The following CNBD2 variants were observed in gnomAD, a reference collection of about 807,000 sequenced individuals.
The protein encoded by CNBD2 is cyclic nucleotide-binding domain-containing protein 2.
CNBD2 carries 64 observed loss-of-function variants against 63.7 expected under a neutral mutation model. That is an observed-to-expected ratio of 1.00 (90% CI 0.82 to 1.24). The LOEUF (loss-of-function observed/expected upper bound fraction) is 1.24. Ranked by LOEUF, CNBD2 falls within the 50% of genes most tolerant of loss-of-function variation. The probability of loss-of-function intolerance (pLI) is 0.00; values close to 1 mark genes in which losing one functional copy is unlikely to be tolerated. For missense variants in CNBD2, 691 were observed against 713.5 expected (o/e 0.97, Z 0.36); for synonymous variants, 229 against 255.4 (o/e 0.90, Z 0.99).
At chr20:35,967,494 T>G (rs1201162419), upstream of CNBD2, among the ~76,000 whole-genome samples, 1 of 146,696 alleles carries the variant, frequency 6.8e-6, no homozygotes, top group Non-Finnish European at 1.5e-5. Flanking sequence ...GTTAATTGGA[T>G]GCTACAAATG....
chr20:35,996,502 C>CTTTT (rs1349894287), intron 8 of CNBD2, among the ~76,000 whole-genome samples: 3 of 146,568 alleles, frequency 2.0e-5, no homozygotes, highest in Non-Finnish European at 4.5e-5. Flanking sequence ...TAATAGCTCT[C>CTTTT]TTTTTGTTTT....
chr20:35,954,769 G>C, exon 1 of CNBD2: 1 of 492,754 alleles, frequency 2.0e-6, no homozygotes, highest in Non-Finnish European at 3.4e-6. Flanking sequence ...CTTTGCGTGC[G>C]GGCGCCCCTT....
upstream of CNBD2, among the ~76,000 whole-genome samples, chr20:35,967,575 A>G (rs1261282371): frequency 6.8e-6 from 1 of 148,004 alleles, no homozygotes; most frequent in East Asian, 2.0e-4. Flanking sequence ...GGCCCTGGCC[A>G]GGAGTGGTGG....
At chr20:35,965,532 T>A (rs1486895036), upstream of CNBD2, among the ~76,000 whole-genome samples, 1 of 152,188 alleles carries the variant, frequency 6.6e-6, no homozygotes, top group East Asian at 1.9e-4. Flanking sequence ...TTATACATTA[T>A]GAAAATGAGG....
rs1000090579 is a variant in CNBD2 at position 35,980,597 on chromosome 20, C to T, written c.382C>T (p.Leu128=). ...CTACGCAGAGCCCCTGCAGCTGCTC[C>T]TGGCCAAAGTCATGCGCTTTGAACG... The part of the protein sequence containing the change: ...RNYAEPLQLL[L]AKVMRFERFG... The change falls in exon 4 of 12, where the codon CTG becomes TTG. Residue 128 remains leucine, a synonymous_variant. Coordinates refer to ENST00000373973, the MANE Select transcript of CNBD2 (RefSeq NM_001365709.1). The T allele has an allele frequency of 6.2e-7, 1 of 1,613,764 alleles. No individual in the cohort carries two copies. The highest frequency in any genetic ancestry group is 8.5e-7 in the Non-Finnish European group (1 of 1,180,044).
At chr20:36,022,562 T>C (rs576950673) in intron 10 of CNBD2, among the ~76,000 whole-genome samples, 21 of 151,992 alleles carry the variant, frequency 1.4e-4, no homozygotes, top group Admixed American at 1.3e-4. Flanking sequence ...CTCAAACTCC[T>C]GACCTCAGGT....
In CNBD2 at chr20:36,030,394, A is replaced by G; in HGVS notation, c.1477A>G (p.Ser493Gly). ...DMCQKFLQQNSWNIFRKDLLQ... is the reference protein window; with the variant it reads ...DMCQKFLQQNGWNIFRKDLLQ... ...GTGCCAGAAGTTCCTCCAGCAGAAC[A>G]GCTGGAATATCTTTCGGAAGGACCT... Residue 493 changes from serine (S) to glycine (G), a missense_variant, in exon 12 of 12, where the codon AGC (serine) becomes GGC (glycine). Transcript: ENST00000373973. The G allele has an allele frequency of 6.2e-7, 1 of 1,614,134 alleles. No homozygotes were observed. The highest frequency in any genetic ancestry group is 8.5e-7 in the Non-Finnish European group (1 of 1,180,004).
chr20:35,971,803 A>G (rs1015632851), intron 1 of CNBD2, among the ~76,000 whole-genome samples: 2 of 152,208 alleles, frequency 1.3e-5, no homozygotes, highest in African/African-American at 4.8e-5. Context: ...TTATTAATCT[A>G]GAGCAGCCCC....
chr20:35,975,784 T>A (rs1483286118), intron 2 of CNBD2, among the ~76,000 whole-genome samples, 165 bp from the exon 3 acceptor site: 1 of 152,118 alleles, frequency 6.6e-6, no homozygotes, highest in Admixed American at 6.6e-5. Context: ...TAGTGCTGAG[T>A]TGGGGCCTTC....
At chr20:36,014,814 G>A (rs1169895764) in intron 10 of CNBD2, among the ~76,000 whole-genome samples, 4 of 150,158 alleles carry the variant, frequency 2.7e-5, no homozygotes, top group South Asian at 2.1e-4. Context: ...TTTATTTTTC[G>A]TTAGAGACAG....
rs554318138 is a variant in CNBD2, at chr20:35,961,945, G to A, written c.228+4171G>A. On this transcript the variant is annotated intron_variant, in intron 2 of 4. Transcript: ENST00000622112. The stretch of plus-strand genomic sequence containing the variant: ...GGGACCAGAGAGGCTCCCAGAGCCA[G>A]CCTGTCCATCACCATCCCAATGTTC... Among the ~76,000 whole-genome samples the A allele has an allele frequency of 9.2e-5, 14 of 152,296 alleles. No individual in the cohort carries two copies. In the East Asian group the frequency reaches 2.7e-3, roughly 29 times the overall value.
intron 4 of CNBD2, 123 bp from the exon 5 acceptor site, chr20:35,983,859 C>T: frequency 4.5e-6 from 5 of 1,099,112 alleles, no homozygotes; most frequent in Non-Finnish European, 6.7e-6. Flanking sequence ...TCCTGAGGGC[C>T]CTTCTGGTCC....
In CNBD2 at chr20:35,972,701, G is replaced by C. The variant is rs751780606; in HGVS notation, c.124G>C (p.Gly42Arg). The change falls in exon 2 of 12, where the codon GGA becomes CGA. Residue 42 changes from glycine to arginine, a missense_variant. Coordinates refer to ENST00000373973, the MANE Select transcript of CNBD2 (RefSeq NM_001365709.1). ...VCKMFRQGLR[G>R]FREYQIIETA... ...TAAAATGTTCCGCCAAGGCCTCAGG[G>C]GATTCCGGGAATATCAAATCATTGA... The C allele has an allele frequency of 6.2e-7, 1 of 1,613,980 alleles. No homozygotes were observed. The highest frequency in any genetic ancestry group is 2.2e-5 in the East Asian group (1 of 44,880).
chr20:36,023,190 A>T (rs1464268602), intron 10 of CNBD2, among the ~76,000 whole-genome samples: 1 of 152,118 alleles, frequency 6.6e-6, no homozygotes, highest in African/African-American at 2.4e-5. Context: ...ATCCCAGATA[A>T]ATTCACCTCC....
rs1163984260 is a variant in CNBD2 at position 35,985,768 on chromosome 20, G to A, written c.716+990G>A. ...CTCCCAAAGTGCTGGGATTACAGGC[G>A]TAAGCCACTGCGCCTGGCCCAAACT... On this transcript the variant is annotated intron_variant, in intron 6 of 11. Transcript: ENST00000373973. 5.3e-5 allele frequency among the ~76,000 whole-genome samples: 8 copies of A among 152,172 alleles called. No homozygotes were observed. In the South Asian group the frequency reaches 1.4e-3, roughly 28 times the overall value.
intron 7 of CNBD2, among the ~76,000 whole-genome samples, chr20:35,988,962 C>T (rs2056706109): frequency 1.3e-5 from 2 of 152,170 alleles, no homozygotes; most frequent in South Asian, 4.1e-4. Context: ...TGCTTCACGT[C>T]CTTTGCCACC....
At chr20:35,985,429 G>T (rs1439152612) in intron 6 of CNBD2, among the ~76,000 whole-genome samples, 1 of 151,578 alleles carries the variant, frequency 6.6e-6, no homozygotes, top group African/African-American at 2.4e-5. Context: ...GCCTCCTAAA[G>T]TGCTGGGATT....
chr20:35,982,905 G>A (rs1287422198), intron 4 of CNBD2, among the ~76,000 whole-genome samples: 2 of 151,916 alleles, frequency 1.3e-5, no homozygotes, highest in Non-Finnish European at 2.9e-5. Flanking sequence ...TAGAGATGAG[G>A]TTTCACCTTG....
chr20:36,006,882 T>C (rs1284942539), intron 8 of CNBD2, among the ~76,000 whole-genome samples: 1 of 152,178 alleles, frequency 6.6e-6, no homozygotes, highest in Non-Finnish European at 1.5e-5. Context: ...TGTCTTCCTA[T>C]GGTTTCATAT....
Sources: gnomAD v4.1 joint callset for allele counts (sites outside exome capture counted in the v4.1 genomes callset) on GRCh38, gnomAD v4.1.1 for gene constraint, MANE v1.5 for transcripts, NCBI Gene and HGNC (gene_info 2026-07-23, HGNC 2026-07-21) for gene names.